The following CLSTN1 variants were observed in gnomAD, a reference collection of about 807,000 sequenced individuals.
The protein encoded by CLSTN1 is calsyntenin 1, also known as calsyntenin-1.
Under a neutral mutation model 108.3 loss-of-function variants are expected in CLSTN1, and 28 were observed. That is an observed-to-expected ratio of 0.26 (90% CI 0.19 to 0.35). The LOEUF is 0.35. Ranked by LOEUF, CLSTN1 falls within the 10% of genes least tolerant of loss-of-function variation. The probability of loss-of-function intolerance (pLI) is 1.00; values close to 1 mark genes in which losing one functional copy is unlikely to be tolerated. For synonymous variants in CLSTN1, 524 were observed against 534.9 expected (o/e 0.98, Z 0.28); for missense variants, 1,157 against 1,302.6 (o/e 0.89, Z 1.72).
At chr1:9,773,459 T>C (rs1570475856) in intron 1 of CLSTN1, 65 bp from the exon 2 acceptor site, 1 of 1,467,490 alleles carries the variant, frequency 6.8e-7, no homozygotes. Context: ...TCCACTACTT[T>C]TGAAGACACA....
At position 9,794,490 on chromosome 1, in the gene CLSTN1, G is replaced by C. The variant is rs569714646; in HGVS notation, c.92-21096C>G. Among the ~76,000 whole-genome samples the C allele has an allele frequency of 2.2e-3, 329 of 151,322 alleles. 4 individuals carry two copies. Among genetic ancestry groups the C allele is most frequent in the African/African-American group, 7.7e-3 (320 of 41,482 alleles). On this transcript the variant is annotated intron_variant, in intron 1 of 18. Coordinates refer to ENST00000377298, the MANE Select transcript of CLSTN1 (RefSeq NM_001009566.3). Reference sequence around the variant, plus strand: ...TGCCTGGCTAATTTTTGTATTTTTAGTAGAGACAGGGTTTCGTCATGTTGG... The same window carrying C: ...TGCCTGGCTAATTTTTGTATTTTTACTAGAGACAGGGTTTCGTCATGTTGG...
intron 1 of CLSTN1, among the ~76,000 whole-genome samples, chr1:9,801,137 T>C (rs1248439003): frequency 6.6e-6 from 1 of 151,736 alleles, no homozygotes; most frequent in Admixed American, 6.6e-5. Flanking sequence ...TCCCAGCTAC[T>C]TGGGAGGCTG....
intron 1 of CLSTN1, among the ~76,000 whole-genome samples, chr1:9,784,505 A>G (rs1653393624): frequency 6.6e-6 from 1 of 152,170 alleles, no homozygotes; most frequent in South Asian, 2.1e-4. Flanking sequence ...GACTATCTCT[A>G]AAGAAAAAAG....
chr1:9,796,134 C>T (rs1025623335), intron 1 of CLSTN1, among the ~76,000 whole-genome samples: 6 of 149,518 alleles, frequency 4.0e-5, no homozygotes, highest in Non-Finnish European at 7.4e-5. Context: ...TGGTGGTGGG[C>T]GCCTGTAATC....
intron 10 of CLSTN1, 54 bp from the exon 11 acceptor site, chr1:9,737,608 C>G: frequency 2.6e-6 from 4 of 1,519,898 alleles, no homozygotes; most frequent in Non-Finnish European, 3.6e-6. Context: ...TTAGGGTCTT[C>G]AAACCGGACC....
At position 9,767,027 on chromosome 1, in the gene CLSTN1, C is replaced by A. The variant is rs78223112; in HGVS notation, c.214+6245G>T. Among the ~76,000 whole-genome samples, 660 of 152,322 alleles carry A rather than the reference C, an allele frequency of 4.3e-3. 12 individuals carry two copies. Among genetic ancestry groups the A allele is most frequent in the East Asian group, 0.043 (222 of 5,192 alleles). On this transcript the variant is annotated intron_variant, in intron 2 of 18. Transcript: ENST00000377298. Reference sequence around the variant, plus strand: ...GGAATGTTCACACAGTGAGCTGGGCCCAGAGGCGGCTCTGTCACTTATGAG... The same window carrying A: ...GGAATGTTCACACAGTGAGCTGGGCACAGAGGCGGCTCTGTCACTTATGAG...
chr1:9,743,596 G>A (rs1190131321), intron 9 of CLSTN1, among the ~76,000 whole-genome samples: 1 of 152,114 alleles, frequency 6.6e-6, no homozygotes, highest in Non-Finnish European at 1.5e-5. Flanking sequence ...CATCCAGGCT[G>A]GAGTGAAGTG....
intron 17 of CLSTN1, 124 bp from the exon 18 acceptor site, chr1:9,731,514 C>G: frequency 8.9e-7 from 1 of 1,124,264 alleles, no homozygotes; most frequent in Non-Finnish European, 1.3e-6. Context: ...AACCCACAGG[C>G]CAGGAGGAAA....
At chr1:9,744,856 C>A (rs1424348212) in intron 7 of CLSTN1, among the ~76,000 whole-genome samples, 1 of 152,066 alleles carries the variant, frequency 6.6e-6, no homozygotes, top group African/African-American at 2.4e-5. Context: ...CGGGTTCAAG[C>A]TGTTCTCCTG....
At chr1:9,778,567 T>A (rs1653070808) in intron 1 of CLSTN1, among the ~76,000 whole-genome samples, 1 of 151,958 alleles carries the variant, frequency 6.6e-6, no homozygotes. Context: ...TCAAAAGACA[T>A]CAGTCTGGAA....
chr1:9,765,683 C>T (rs1372140760), intron 2 of CLSTN1, among the ~76,000 whole-genome samples: 1 of 152,020 alleles, frequency 6.6e-6, no homozygotes, highest in Non-Finnish European at 1.5e-5. Flanking sequence ...AGTTTGCGGC[C>T]AGCCTGGCCA....
At chr1:9,814,648 G>A (rs1168108000) in intron 1 of CLSTN1, among the ~76,000 whole-genome samples, 17 of 152,174 alleles carry the variant, frequency 1.1e-4, no homozygotes, top group Admixed American at 9.8e-4. Flanking sequence ...GGTGGCTCAC[G>A]CCTATAATCG....
chr1:9,786,331 A>G (rs1653484456), intron 1 of CLSTN1, among the ~76,000 whole-genome samples: 1 of 152,124 alleles, frequency 6.6e-6, no homozygotes, highest in Non-Finnish European at 1.5e-5. Context: ...ATACTGTTAC[A>G]CACAATGCAG....
chr1:9,773,474 T>C, intron 1 of CLSTN1, 80 bp from the exon 2 acceptor site: 1 of 1,394,378 alleles, frequency 7.2e-7, no homozygotes, highest in Non-Finnish European at 9.7e-7. Flanking sequence ...GACACACACC[T>C]GCTATTAAAA....
chr1:9,772,976 C>T (rs528655864), intron 2 of CLSTN1, among the ~76,000 whole-genome samples: 5 of 152,226 alleles, frequency 3.3e-5, no homozygotes, highest in African/African-American at 1.2e-4. Flanking sequence ...TCAGGTACTC[C>T]GTGTGCACCC....
intron 16 of CLSTN1, among the ~76,000 whole-genome samples, chr1:9,732,251 T>C (rs1650442886): frequency 6.6e-6 from 1 of 152,130 alleles, no homozygotes; most frequent in African/African-American, 2.4e-5. Context: ...GCAGTAGCTA[T>C]TCACAAGCAT....
At chr1:9,800,989 G>A (rs954177976) in intron 1 of CLSTN1, among the ~76,000 whole-genome samples, 7 of 151,946 alleles carry the variant, frequency 4.6e-5, no homozygotes, top group Non-Finnish European at 1.0e-4. Context: ...GCTCACACCT[G>A]TAATCCCAGC....
In CLSTN1 at chr1:9,735,041, A is replaced by G. The variant is rs754193154; in HGVS notation, c.2017T>C (p.Ser673Pro). Residue 673 changes from serine to proline, a missense_variant, in exon 14 of 19, where the codon TCA (serine) becomes CCA (proline). Ser to Pro is a moderately conservative substitution (Grantham distance 74). Coordinates refer to ENST00000377298, the MANE Select transcript of CLSTN1 (RefSeq NM_001009566.3). ...FARAASEFES[S>P]EGVFLFPELR... is the part of the protein sequence containing the mutation. ...TCAGGGAAAAGGAACACCCCTTCTGAGCTTTCAAATTCAGAAGCTGCTCGG... is the reference window on the plus strand; with the variant it reads ...TCAGGGAAAAGGAACACCCCTTCTGGGCTTTCAAATTCAGAAGCTGCTCGG... 6.2e-7 allele frequency: 1 copy of G among 1,614,244 alleles called. No homozygotes were observed. Among genetic ancestry groups the G allele is most frequent in the South Asian group, 1.1e-5 (1 of 91,088 alleles).
rs536219452 is a variant in CLSTN1, at chr1:9,747,753, T to C, written c.985+1708A>G. 6.6e-5 allele frequency among the ~76,000 whole-genome samples: 10 copies of C among 152,206 alleles called. No homozygotes were observed. The South Asian group carries it at 2.1e-3, about 32-fold the overall frequency. ...TCAAGTGATCTGGATAATTTTCAAT[T>C]ATAAACCAGTGGCCGGGCGCGGTGG... On this transcript the variant is annotated intron_variant, in intron 7 of 18. Coordinates refer to ENST00000377298, the MANE Select transcript of CLSTN1 (RefSeq NM_001009566.3).
Sources: gnomAD v4.1 joint callset for allele counts (sites outside exome capture counted in the v4.1 genomes callset) on GRCh38, gnomAD v4.1.1 for gene constraint, MANE v1.5 for transcripts, NCBI Gene and HGNC (gene_info 2026-07-23, HGNC 2026-07-21) for gene names.